HAUS6: variants seen among roughly 807,000 people sequenced by gnomAD.
HAUS6 encodes HAUS augmin like complex subunit 6.
In HAUS6, 80 loss-of-function variants were observed where a neutral mutation model predicts 106.8. The ratio of observed to expected loss-of-function variants is 0.75; its 90% CI spans 0.63 to 0.90. HAUS6 has a LOEUF of 0.90. HAUS6 is among the 40% of genes least tolerant of loss of function. The pLI, the probability that HAUS6 is intolerant of heterozygous loss-of-function variation, is 0.00. For missense variants in HAUS6, 1,155 were observed against 1,118.1 expected (o/e 1.03, Z -0.47); for synonymous variants, 356 against 379.1 (o/e 0.94, Z 0.71).
rs1366135110 is a variant in HAUS6 at position 19,057,916 on chromosome 9, G to A, written c.2806+45C>T. The A allele has an allele frequency of 3.4e-6, 4 of 1,180,384 alleles. No homozygotes were observed. In the African/African-American group the frequency reaches 6.1e-5, roughly 18 times the overall value. The allele number at this position is 1,180,384 out of a possible 1,614,324, so 73.1% of individuals were successfully genotyped here. A position where few individuals can be genotyped will look rare whatever the true frequency, so the allele number is the denominator to read the frequency against. The stretch of plus-strand genomic sequence containing the variant: ...GTACTGGTTTTATCAAAAGTTGAGA[G>A]AAAACTTCAACAGGTGAATATGCAT... On this transcript the variant is annotated intron_variant, in intron 16 of 16. Transcript: ENST00000380502.
intron 1 of HAUS6, among the ~76,000 whole-genome samples, chr9:19,101,020 A>T (rs1817975396): frequency 6.6e-6 from 1 of 152,238 alleles, no homozygotes; most frequent in Non-Finnish European, 1.5e-5. Context: ...TCTAGTGTTC[A>T]ATAGTACATA....
chr9:19,079,529 C>T (rs909545828), intron 9 of HAUS6, among the ~76,000 whole-genome samples: 3 of 152,172 alleles, frequency 2.0e-5, no homozygotes, highest in South Asian at 2.1e-4. Flanking sequence ...CCATGCCCAG[C>T]TACTCCATTT....
At chr9:19,092,106 C>T (rs1817762159) in intron 4 of HAUS6, among the ~76,000 whole-genome samples, 1 of 152,130 alleles carries the variant, frequency 6.6e-6, no homozygotes, top group Admixed American at 6.6e-5. Flanking sequence ...TGTCTGGTCA[C>T]ATACGATGCT....
intron 16 of HAUS6, 122 bp from the exon 17 acceptor site, chr9:19,056,526 A>G: frequency 3.2e-6 from 2 of 624,286 alleles, no homozygotes; most frequent in Admixed American, 5.3e-5. Flanking sequence ...ATACTTGATT[A>G]TGATAAAATT....
chr9:19,089,504 T>C lies in HAUS6; in HGVS notation c.492A>G (p.Lys164=). 1 of 1,610,690 alleles carries C rather than the reference T, an allele frequency of 6.2e-7. No homozygotes were observed. Among genetic ancestry groups the C allele is most frequent in the Non-Finnish European group, 8.5e-7 (1 of 1,176,900 alleles). Residue 164 remains lysine, a synonymous_variant, in exon 5 of 17, where the codon AAA becomes AAG. Coordinates refer to ENST00000380502, the MANE Select transcript of HAUS6 (RefSeq NM_017645.5). The stretch of plus-strand genomic sequence containing the variant: ...GTGCGAAATGGCATCTGGCAATGCA[T>C]TTGTGCAAGTCCTGTGGTTTTATGT... The part of the protein sequence containing the change: ...TFNIKPQDLH[K]CIARCHFARS...
At position 19,081,924 on chromosome 9, in the gene HAUS6, G is replaced by A. The variant is rs534655307; in HGVS notation, c.870+949C>T. On this transcript the variant is annotated intron_variant, in intron 8 of 16. Coordinates refer to ENST00000380502, the MANE Select transcript of HAUS6 (RefSeq NM_017645.5). ...TACTAAAGAAGTGTCTCTCTTCAGA[G>A]AGTCACAACAATATTTTATCTTTGT... Among the ~76,000 whole-genome samples, 47 of 152,226 alleles carry A rather than the reference G, an allele frequency of 3.1e-4. No individual in the cohort carries two copies. In the East Asian group the frequency reaches 8.9e-3, roughly 29 times the overall value.
intron 12 of HAUS6, among the ~76,000 whole-genome samples, chr9:19,066,168 TCAGGTGATCTGCCTG>T (rs960925924): frequency 6.6e-6 from 1 of 152,034 alleles, no homozygotes; most frequent in Non-Finnish European, 1.5e-5. Context: ...ACTCCTGACC[TCAGGTGATCTGCCTG>T]CCTCAGCATC....
At chr9:19,084,250 A>G (rs1280319972) in intron 7 of HAUS6, among the ~76,000 whole-genome samples, 2 of 152,330 alleles carry the variant, frequency 1.3e-5, no homozygotes, top group East Asian at 3.9e-4. Flanking sequence ...ATGTTGAGCC[A>G]AAGTCAGACA....
rs528255018 is a variant in HAUS6 at position 19,096,426 on chromosome 9, G to A, written c.224+248C>T. On this transcript the variant is annotated intron_variant, in intron 2 of 16. Transcript: ENST00000380502. Reference sequence around the variant, plus strand: ...ATAAAAATGCAAAACTTAGCTAGGCGTCGTGGCAGTCACCTATAATCCCAG... The same window carrying A: ...ATAAAAATGCAAAACTTAGCTAGGCATCGTGGCAGTCACCTATAATCCCAG... Among the ~76,000 whole-genome samples, 8 of 152,126 alleles carry A rather than the reference G, an allele frequency of 5.3e-5. No individual in the cohort carries two copies. In the East Asian group the frequency reaches 5.8e-4, roughly 11 times the overall value.
intron 1 of HAUS6, among the ~76,000 whole-genome samples, chr9:19,100,010 T>C (rs947572425): frequency 1.3e-5 from 2 of 152,162 alleles, no homozygotes; most frequent in Non-Finnish European, 2.9e-5. Context: ...CTGGCTAAGA[T>C]GGAGAAACCC....
chr9:19,058,823 A>G lies in HAUS6; in HGVS notation c.1944T>C (p.Phe648=), dbSNP rs10511671. The G allele has an allele frequency of 0.084, 136,181 of 1,614,028 alleles. 6,152 individuals are homozygous for G. Among genetic ancestry groups the G allele is most frequent in the East Asian group, 0.1 (4,555 of 44,876 alleles). The change falls in exon 16 of 17, where the codon TTT becomes TTC. Residue 648 remains phenylalanine, a synonymous_variant. Transcript: ENST00000380502. ...TCTCTTCAGTCAAATGAGACTGGCC[A>G]AAATCTGATACAGTGGTTTCTAAGA... ...DFLLETTVSD[F]GQSHLTEEKV...
At chr9:19,087,893 T>C (rs1817656412) in intron 5 of HAUS6, among the ~76,000 whole-genome samples, 1 of 142,800 alleles carries the variant, frequency 7.0e-6, no homozygotes, top group African/African-American at 2.6e-5. Context: ...CACAATTATA[T>C]ACAACCTATT....
chr9:19,063,317 G>C, intron 13 of HAUS6, 124 bp from the exon 14 acceptor site: 1 of 701,546 alleles, frequency 1.4e-6, no homozygotes, highest in African/African-American at 1.8e-5. Flanking sequence ...TTGTGAAATT[G>C]TATGTCACTG....
intron 7 of HAUS6, among the ~76,000 whole-genome samples, chr9:19,084,626 TTC>T (rs987462516): frequency 5.4e-5 from 8 of 147,970 alleles, no homozygotes; most frequent in Non-Finnish European, 1.2e-4. Context: ...TTCACTTTTT[TTC>T]TTTTTTCTTT....
At position 19,076,622 on chromosome 9, in the gene HAUS6, T is replaced by C; in HGVS notation, c.1274A>G (p.Gln425Arg). ...CCAACCTGGAAGTGAAGCAGGATAC[T>C]GACAAAGAATACTCTTTGCATACAC... ...EEVYAKSILC[Q>R]YPASLPDAHK... Residue 425 changes from glutamine to arginine, a missense_variant, in exon 11 of 17, where the codon CAG becomes CGG. Transcript: ENST00000380502. 1.3e-6 allele frequency: 2 copies of C among 1,560,874 alleles called. No homozygotes were observed. Among genetic ancestry groups the C allele is most frequent in the Non-Finnish European group, 1.8e-6 (2 of 1,134,610 alleles).
rs539625192 is a variant in HAUS6 at position 19,093,701 on chromosome 9, T to C, written c.304-398A>G. Among the ~76,000 whole-genome samples, 11 of 152,202 alleles carry C rather than the reference T, an allele frequency of 7.2e-5. 1 individual carries two copies. In the South Asian group the frequency reaches 2.3e-3, roughly 32 times the overall value. On this transcript the variant is annotated intron_variant, in intron 3 of 16. Transcript: ENST00000380502. ...CTGGCCAACATGGTGAAACCCCGTCTCTACTGAAAATACAAAAGTTATCTG... is the reference window on the plus strand; with the variant it reads ...CTGGCCAACATGGTGAAACCCCGTCCCTACTGAAAATACAAAAGTTATCTG...
rs953853320 is a variant in HAUS6, at chr9:19,074,608, A to C, written c.1294+1994T>G. Among the ~76,000 whole-genome samples the C allele has an allele frequency of 3.9e-5, 6 of 152,038 alleles. 1 individual carries two copies. The highest frequency in any genetic ancestry group is 1.3e-4 in the Admixed American group (2 of 15,266). ...TTTCTATGTCTTCTCTTCTGGTTGC[A>C]CCTAAACTGAGCCTTGCTCTCTGGT... On this transcript the variant is annotated intron_variant, in intron 11 of 16. Coordinates refer to ENST00000380502, the MANE Select transcript of HAUS6 (RefSeq NM_017645.5).
At chr9:19,102,049 G>C (rs762874815) in intron 1 of HAUS6, among the ~76,000 whole-genome samples, 2 of 152,144 alleles carry the variant, frequency 1.3e-5, no homozygotes, top group African/African-American at 2.4e-5. Flanking sequence ...AAGGGTATTT[G>C]TTTTTAATAC....
At chr9:19,070,431 A>G in intron 11 of HAUS6, 131 bp from the exon 12 acceptor site, 1 of 619,764 alleles carries the variant, frequency 1.6e-6, no homozygotes. Context: ...CACTAATAGG[A>G]AAACATAATT....
Sources: gnomAD v4.1 joint callset for allele counts (sites outside exome capture counted in the v4.1 genomes callset) on GRCh38, gnomAD v4.1.1 for gene constraint, MANE v1.5 for transcripts, NCBI Gene and HGNC (gene_info 2026-07-23, HGNC 2026-07-21) for gene names.